LYPD4: variants seen among roughly 807,000 people sequenced by gnomAD.
LYPD4 encodes the protein LY6/PLAUR domain containing 4, also known as ly6/PLAUR domain-containing protein 4.
LYPD4 carries 20 observed loss-of-function variants against 18.2 expected under a neutral mutation model. The ratio of observed to expected loss-of-function variants is 1.10; its 90% confidence interval spans 0.77 to 1.59. The LOEUF (loss-of-function observed/expected upper bound fraction) is 1.59, where lower values mean the gene tolerates loss of function less well. LYPD4 is among the 40% of genes most tolerant of loss of function. The pLI is 0.00. For synonymous variants in LYPD4, 111 were observed against 118.3 expected (o/e 0.94, Z 0.40); for missense variants, 278 against 300.3 (o/e 0.93, Z 0.55).
chr19:41,838,279 G>C lies in LYPD4; in HGVS notation c.212-18C>G, dbSNP rs1402927653. ...TGCAGTCCCTGAGGAGCAGAGGATT[G>C]AGAGAGCTCAGATCAGTGTCACTGG... is the stretch of plus-strand genomic sequence containing the variant. On this transcript the variant is annotated intron_variant, in intron 3 of 4. Coordinates refer to ENST00000609812, the MANE Select transcript of LYPD4 (RefSeq NM_173506.7). The C allele has an allele frequency of 4.6e-6, 7 of 1,512,266 alleles. No individual in the cohort carries two copies. The highest frequency in any genetic ancestry group is 6.2e-6 in the Non-Finnish European group (7 of 1,131,130). The allele number at this position is 1,512,266 out of a possible 1,614,324, so 93.7% of individuals were successfully genotyped here. A position where few individuals can be genotyped will look rare whatever the true frequency, so the allele number is the denominator to read the frequency against.
intron 2 of LYPD4, 71 bp from the exon 3 acceptor site, chr19:41,839,095 G>T: frequency 1.2e-6 from 2 of 1,609,060 alleles, no homozygotes; most frequent in Middle Eastern, 3.3e-4. Flanking sequence ...TGCCAACCAA[G>T]AGTTCAGCCC....
rs782610306 is a variant in LYPD4, at chr19:41,837,952, G to A, written c.521C>T (p.Thr174Ile). 2 of 1,609,068 alleles carry A rather than the reference G, an allele frequency of 1.2e-6. No individual in the cohort carries two copies. Among genetic ancestry groups the A allele is most frequent in the Non-Finnish European group, 8.5e-7 (1 of 1,176,488 alleles). ...CCTCTCACCTGCCTGAAATTTTAAG[G>A]TGGAACTGTAACACGTAGAAGCAGC... ...PLAASTCYSS[T>I]LKFQAGFLNT... The change falls in exon 4 of 5, where the codon ACC becomes ATC. Residue 174 changes from threonine (T) to isoleucine (I), a missense_variant. Transcript: ENST00000609812.
downstream of LYPD4, chr19:41,836,940 A>T: frequency 2.1e-6 from 2 of 963,356 alleles, no homozygotes; most frequent in South Asian, 1.9e-5. Context: ...GGAATATTTC[A>T]GCTCCCCCAG....
At chr19:41,842,338 T>A (rs1172323578) in intron 1 of LYPD4, among the ~76,000 whole-genome samples, 3 of 151,788 alleles carry the variant, frequency 2.0e-5, no homozygotes, top group East Asian at 2.0e-4. Context: ...GAATGCAGCA[T>A]TATTGTGGTG....
chr19:41,838,829 G>A, intron 3 of LYPD4, 52 bp downstream of exon 3: 2 of 1,592,288 alleles, frequency 1.3e-6, no homozygotes, highest in Admixed American at 1.7e-5. Flanking sequence ...GAGTGGAGCT[G>A]GGGGTCAGAA....
At chr19:41,835,707 G>A (rs929237215), downstream of LYPD4, 7 of 865,252 alleles carry the variant, frequency 8.1e-6, no homozygotes, top group Admixed American at 3.7e-4. Flanking sequence ...ACCTAGATTG[G>A]TCATGGAGGT....
chr19:41,843,503 A>T (rs2073719118), intron 1 of LYPD4, 75 bp downstream of exon 1: 1 of 151,940 alleles, frequency 6.6e-6, no homozygotes, highest in South Asian at 2.1e-4. Context: ...TAAAGGATCA[A>T]GTTCAACCTC....
Position 41,838,908 on chromosome 19 carries a change from C to T in LYPD4, c.184G>A (p.Glu62Lys), listed in dbSNP as rs1422627844. 3 of 1,613,974 alleles carry T rather than the reference C, an allele frequency of 1.9e-6. No individual in the cohort carries two copies. The highest frequency in any genetic ancestry group is 1.1e-5 in the South Asian group (1 of 91,080). ...NMVCKLQEGCEETLVFIETGT... is the reference protein window; with the variant it reads ...NMVCKLQEGCKETLVFIETGT... ...GTCTCAATGAACACTAGCGTCTCCT[C>T]GCAGCCCTCTTGCAGCTTACACACC... The change falls in exon 3 of 5, where the codon GAG (glutamate) becomes AAG (lysine). Residue 62 changes from glutamate (E) to lysine (K), a missense_variant. Coordinates refer to ENST00000609812, the MANE Select transcript of LYPD4 (RefSeq NM_173506.7).
intron 3 of LYPD4, 49 bp from the exon 4 acceptor site, chr19:41,838,310 C>T (rs782081150): frequency 2.8e-6 from 4 of 1,438,086 alleles, no homozygotes; most frequent in Middle Eastern, 2.1e-4. Flanking sequence ...ACTGGCCTCA[C>T]CCAGAGTCCT....
At position 41,837,102 on chromosome 19, in the gene LYPD4, AT is replaced by A; in HGVS notation, c.*40del. ...AGGGAACTCTGCTATTTTATTTGTT[AT>A]GTGAAAGAGTCTGGGTGCTTGTCGG... On this transcript the variant is annotated 3_prime_UTR_variant, in exon 5 of 5. Coordinates refer to ENST00000609812, the MANE Select transcript of LYPD4 (RefSeq NM_173506.7). 1 of 1,611,994 alleles carries A rather than the reference AT, an allele frequency of 6.2e-7. No homozygotes were observed. Among genetic ancestry groups the A allele is most frequent in the South Asian group, 1.1e-5 (1 of 90,990 alleles).
Position 41,838,227 on chromosome 19 carries a change from G to T in LYPD4, c.246C>A (p.Cys82Ter), listed in dbSNP as rs1194724069. The T allele has an allele frequency of 1.3e-6, 2 of 1,542,966 alleles. No homozygotes were observed. The highest frequency in any genetic ancestry group is 2.7e-5 in the African/African-American group (2 of 72,774). ...GCGCAGGGTAAGACGAAGACGAGCT[G>T]CAGCCTTTAAAGCCCACGACTCCCC... ...TARGVVGFKGCSSSSSYPAQI... is the reference protein window; with the variant it reads ...TARGVVGFKG Residue 82 changes from cysteine (C) to a stop codon, truncating the protein, a stop_gained, in exon 4 of 5, where the codon TGC (cysteine) becomes TGA (stop). Coordinates refer to ENST00000609812, the MANE Select transcript of LYPD4 (RefSeq NM_173506.7). LOFTEE classifies it high-confidence loss of function.
Position 41,839,281 on chromosome 19 carries a change from C to T in LYPD4, c.5G>A (p.Gly2Glu). The T allele has an allele frequency of 3.7e-6, 6 of 1,614,206 alleles. No individual in the cohort carries two copies. The highest frequency in any genetic ancestry group is 5.1e-6 in the Non-Finnish European group (6 of 1,180,036). The part of the protein sequence containing the change: M[G>E]PQHLRLVQLF... The stretch of plus-strand genomic sequence containing the variant: ...CTGCACAAGTCTCAAATGCTGGGGT[C>T]CCATGGCCCTGTGTCTGGGTCCTGG... The change falls in exon 2 of 5, where the codon GGA becomes GAA. Residue 2 changes from glycine (G) to glutamate (E), a missense_variant. By Grantham distance (98) the Gly-to-Glu change is moderately conservative (BLOSUM62 -2). Coordinates refer to ENST00000609812, the MANE Select transcript of LYPD4 (RefSeq NM_173506.7).
chr19:41,837,926 T>C lies in LYPD4; in HGVS notation c.538+9A>G. 6.3e-7 allele frequency: 1 copy of C among 1,594,278 alleles called. No individual in the cohort carries two copies. The highest frequency in any genetic ancestry group is 8.6e-7 in the Non-Finnish European group (1 of 1,167,966). On this transcript the variant is annotated intron_variant, in intron 4 of 4. Coordinates refer to ENST00000609812, the MANE Select transcript of LYPD4 (RefSeq NM_173506.7). Reference sequence around the variant, plus strand: ...AGGCATTTGATAAACAATATTCCTCTCCTCTCACCTGCCTGAAATTTTAAG... The same window carrying C: ...AGGCATTTGATAAACAATATTCCTCCCCTCTCACCTGCCTGAAATTTTAAG...
chr19:41,837,414 A>T, intron 4 of LYPD4, 69 bp from the exon 5 acceptor site: 2 of 1,532,570 alleles, frequency 1.3e-6, no homozygotes, highest in Middle Eastern at 1.7e-4. Flanking sequence ...AGCCAGGTGC[A>T]GTGGCTCACA....
intron 1 of LYPD4, among the ~76,000 whole-genome samples, chr19:41,842,452 T>C (rs1377599075): frequency 6.6e-6 from 1 of 151,830 alleles, no homozygotes; most frequent in Non-Finnish European, 1.5e-5. Flanking sequence ...TGGAAGAAGT[T>C]GATTAGATGT....
rs893040426 is a variant in LYPD4 at position 41,837,433 on chromosome 19, C to T, written c.539-88G>A. On this transcript the variant is annotated intron_variant, in intron 4 of 4. Transcript: ENST00000609812. The stretch of plus-strand genomic sequence containing the variant: ...AGGTGCAGTGGCTCACACCTGTAAT[C>T]CCAGCACTTTGGGAGGCCGAGGCAG... 314 of 1,449,600 alleles carry T rather than the reference C, an allele frequency of 2.2e-4. 2 individuals carry two copies. The highest frequency in any genetic ancestry group is 1.3e-3 in the South Asian group (114 of 85,454). 89.8% of individuals were successfully genotyped at this position (1,449,600 alleles called of 1,614,324 possible).
At chr19:41,838,763 A>C in intron 3 of LYPD4, 118 bp downstream of exon 3, 1 of 541,808 alleles carries the variant, frequency 1.8e-6, no homozygotes, top group Non-Finnish European at 2.8e-6. Flanking sequence ...ATATACATAT[A>C]TATATATATG....
chr19:41,840,149 C>A (rs2073534503), intron 1 of LYPD4, among the ~76,000 whole-genome samples: 1 of 151,786 alleles, frequency 6.6e-6, no homozygotes, highest in Non-Finnish European at 1.5e-5. Flanking sequence ...CACACATACA[C>A]ACACACACAC....
downstream of LYPD4, among the ~76,000 whole-genome samples, chr19:41,836,531 A>C (rs1555830352): frequency 1.3e-5 from 2 of 151,980 alleles, no homozygotes; most frequent in African/African-American, 4.8e-5. Context: ...CCTGTATGTA[A>C]AACACTAGCA....
Sources: gnomAD v4.1 joint callset for allele counts (sites outside exome capture counted in the v4.1 genomes callset) on GRCh38, gnomAD v4.1.1 for gene constraint, MANE v1.5 for transcripts, NCBI Gene and HGNC (gene_info 2026-07-23, HGNC 2026-07-21) for gene names.